ATP11C: variants seen among roughly 807,000 people sequenced by gnomAD.
The protein encoded by ATP11C is ATPase phospholipid transporting 11C (ATP11C blood group), also known as phospholipid-transporting ATPase IG.
Under a neutral mutation model 97.4 loss-of-function variants are expected in ATP11C, and 36 were observed. The observed-to-expected ratio is 0.37, with a 90% CI of 0.28 to 0.49. The LOEUF (loss-of-function observed/expected upper bound fraction) is 0.49, where lower values mean the gene tolerates loss of function less well. Ranked by LOEUF, ATP11C falls within the 20% of genes least tolerant of loss-of-function variation. The pLI is 0.98. For missense variants in ATP11C, 730 were observed against 824.6 expected (o/e 0.89, Z 1.40); for synonymous variants, 275 against 290.9 (o/e 0.95, Z 0.56).
chrX:139,917,123 T>C (rs1000399190), intron 1 of ATP11C, among the ~76,000 whole-genome samples: 15 of 111,345 alleles, frequency 1.3e-4, no homozygotes, highest in South Asian at 3.8e-4. Flanking sequence ...AAGAATGAAG[T>C]TGGACCCTTA....
At chrX:139,827,563 A>C (rs1459265656) in intron 1 of ATP11C, among the ~76,000 whole-genome samples, 1 of 111,333 alleles carries the variant, frequency 9.0e-6, no homozygotes, top group Non-Finnish European at 1.9e-5. Flanking sequence ...TCTTCACTTT[A>C]ATCAGGATAA....
intron 1 of ATP11C, among the ~76,000 whole-genome samples, chrX:139,866,343 CAAAA>C (rs57250412): frequency 0.016 from 440 of 27,487 alleles, 1 homozygote; most frequent in African/African-American, 0.034. Context: ...GACTCTGTCT[CAAAA>C]AAAAAAAAAA....
At chrX:139,778,889 G>C (rs749616297) in intron 18 of ATP11C, among the ~76,000 whole-genome samples, 1 of 111,679 alleles carries the variant, frequency 9.0e-6, no homozygotes, top group Admixed American at 9.5e-5. Flanking sequence ...CTAAAGGGAT[G>C]GAGAAAGATC....
At chrX:139,854,017 G>T (rs773102751) in intron 1 of ATP11C, among the ~76,000 whole-genome samples, 1 of 111,607 alleles carries the variant, frequency 9.0e-6, no homozygotes, top group South Asian at 3.7e-4. Context: ...ACCAGACCTA[G>T]GAGGAACTCC....
In ATP11C at chrX:139,750,137, C is replaced by T; in HGVS notation, c.2716G>A (p.Ala906Thr). The T allele has an allele frequency of 8.5e-7, 1 of 1,181,264 alleles. No individual in the cohort carries two copies. The highest frequency in any genetic ancestry group is 1.7e-5 in the African/African-American group (1 of 57,365). The part of the protein sequence containing the change: ...GFSQQPLYDA[A>T]YLTMYNICFT... The stretch of plus-strand genomic sequence containing the variant: ...CAGATATTGTACATTGTAAGGTAAG[C>T]AGCATCATACAGTGGCTAAAATGAA... Residue 906 changes from alanine (A) to threonine (T), a missense_variant, in exon 24 of 30, where the codon GCT becomes ACT. By Grantham distance (58) the Ala-to-Thr change is moderately conservative. Transcript: ENST00000682941.
intron 1 of ATP11C, chrX:139,924,181 G>A (rs769780782): frequency 1.3e-5 from 5 of 384,420 alleles, no homozygotes; most frequent in East Asian, 7.5e-5. Flanking sequence ...AAGTGTTGAC[G>A]CTAAACTGGC....
chrX:139,907,718 G>A (rs1295162133), intron 1 of ATP11C, among the ~76,000 whole-genome samples: 4 of 108,654 alleles, frequency 3.7e-5, no homozygotes, highest in South Asian at 4.2e-4. Context: ...ACTGCACTCC[G>A]GCCTGGGAGA....
intron 2 of ATP11C, among the ~76,000 whole-genome samples, chrX:139,819,858 A>C (rs186156371): frequency 4.0e-4 from 45 of 112,044 alleles, no homozygotes; most frequent in Non-Finnish European, 7.3e-4. Flanking sequence ...TTTTCCCAAC[A>C]CTCAACACAG....
At chrX:139,920,214 G>A (rs901720282) in intron 1 of ATP11C, among the ~76,000 whole-genome samples, 6 of 109,218 alleles carry the variant, frequency 5.5e-5, no homozygotes, top group African/African-American at 2.0e-4. Flanking sequence ...AAAATTAGTC[G>A]AGTGTGGTGG....
At chrX:139,901,045 C>T (rs1289262705) in intron 1 of ATP11C, among the ~76,000 whole-genome samples, 1 of 111,663 alleles carries the variant, frequency 9.0e-6, no homozygotes. Context: ...GGCTGAATTA[C>T]ATGCAGTTTT....
rs7881316 is a variant in ATP11C, at chrX:139,809,148, C to T, written c.427-4549G>A. ...AAAAAAGGTTTTAAAAAGATAATTA[C>T]AACCTAGTAATTCTGCTCTAAGTTA... On this transcript the variant is annotated intron_variant, in intron 5 of 29. Transcript: ENST00000682941. Among the ~76,000 whole-genome samples the T allele has an allele frequency of 5.5e-3, 598 of 108,925 alleles. 10 individuals are homozygous for T. The highest frequency in any genetic ancestry group is 0.018 in the African/African-American group (547 of 30,041). The allele number at this position is 108,925 out of a possible 115,157, so 94.6% of individuals were successfully genotyped here. A position where few individuals can be genotyped will look rare whatever the true frequency, so the allele number is the denominator to read the frequency against.
At chrX:139,790,445 TTCTC>T (rs1217777441) in intron 12 of ATP11C, among the ~76,000 whole-genome samples, 11 of 96,841 alleles carry the variant, frequency 1.1e-4, no homozygotes, top group Non-Finnish European at 1.6e-4. Context: ...GACCACTTAT[TTCTC>T]TCTCTCTCTC....
intron 22 of ATP11C, among the ~76,000 whole-genome samples, chrX:139,760,506 A>T (rs969860075): frequency 6.2e-5 from 7 of 112,235 alleles, no homozygotes; most frequent in African/African-American, 2.3e-4. Flanking sequence ...TTTAACTCTT[A>T]TAAAATATAG....
chrX:139,746,443 C>T (rs987527471), intron 24 of ATP11C, among the ~76,000 whole-genome samples: 3 of 111,737 alleles, frequency 2.7e-5, no homozygotes, highest in Non-Finnish European at 3.8e-5. Flanking sequence ...GTGTAGCAGC[C>T]GTGCCAAAGT....
intron 1 of ATP11C, among the ~76,000 whole-genome samples, chrX:139,875,366 T>C (rs1298421317): frequency 1.1e-5 from 1 of 91,514 alleles, no homozygotes; most frequent in Non-Finnish European, 2.1e-5. Flanking sequence ...GAGGCCGAGG[T>C]GGGCGGATCG....
intron 1 of ATP11C, among the ~76,000 whole-genome samples, chrX:139,853,595 A>G (rs776776830): frequency 9.1e-6 from 1 of 110,414 alleles, no homozygotes; most frequent in Non-Finnish European, 1.9e-5. Flanking sequence ...CCGTGACCCT[A>G]TAACACTCCA....
chrX:139,813,083 A>G (rs1317619773), intron 5 of ATP11C, among the ~76,000 whole-genome samples: 3 of 112,454 alleles, frequency 2.7e-5, no homozygotes, highest in African/African-American at 9.7e-5. Flanking sequence ...TTAAAATTCA[A>G]TAAGAAAACA....
chrX:139,785,711 C>T (rs770964694), intron 15 of ATP11C, among the ~76,000 whole-genome samples: 55 of 111,484 alleles, frequency 4.9e-4, no homozygotes, highest in African/African-American at 1.7e-3. Flanking sequence ...TTCCCTTATG[C>T]GGGTCACCAT....
intron 1 of ATP11C, among the ~76,000 whole-genome samples, chrX:139,858,593 G>A (rs1004735801): frequency 2.7e-5 from 3 of 112,046 alleles, no homozygotes; most frequent in African/African-American, 9.7e-5. Flanking sequence ...AACCACTGAC[G>A]TTTGAGGGTT....
Sources: gnomAD v4.1 joint callset for allele counts (sites outside exome capture counted in the v4.1 genomes callset) on GRCh38, gnomAD v4.1.1 for gene constraint, MANE v1.5 for transcripts, NCBI Gene and HGNC (gene_info 2026-07-23, HGNC 2026-07-21) for gene names.